DPP10: variants seen among roughly 807,000 people sequenced by gnomAD.
DPP10 encodes inactive dipeptidyl peptidase 10.
Under a neutral mutation model 120.9 loss-of-function variants are expected in DPP10, and 33 were observed. That is an observed-to-expected ratio of 0.27 (90% CI 0.21 to 0.37). The LOEUF is 0.37. Ranked by LOEUF, DPP10 falls within the 10% of genes least tolerant of loss-of-function variation. DPP10 has a pLI of 1.00. For synonymous variants in DPP10, 337 were observed against 326.1 expected (o/e 1.03, Z -0.36); for missense variants, 816 against 942.8 (o/e 0.87, Z 1.76).
intron 1 of DPP10, among the ~76,000 whole-genome samples, chr2:114,787,868 T>C (rs1682893294): frequency 6.6e-6 from 1 of 152,352 alleles, no homozygotes; most frequent in East Asian, 1.9e-4. Context: ...CTAAATTCAT[T>C]ACCTTCTTGC....
At chr2:115,410,945 T>C (rs749892221) in intron 3 of DPP10, among the ~76,000 whole-genome samples, 29 of 152,218 alleles carry the variant, frequency 1.9e-4, no homozygotes, top group Non-Finnish European at 3.2e-4. Flanking sequence ...TGTTTTCACT[T>C]CTTTTTTAGT....
intron 1 of DPP10, among the ~76,000 whole-genome samples, chr2:115,079,372 C>CAAAAAAAAAGA (rs146113955): frequency 0.22 from 32,049 of 146,146 alleles, 4,458 homozygotes; most frequent in South Asian, 0.36. Context: ...TCTCAAAAAA[C>CAAAAAAAAAGA]AAAAAAAAAG....
intron 1 of DPP10, among the ~76,000 whole-genome samples, chr2:114,551,343 C>T (rs545650973): frequency 4.6e-5 from 7 of 152,226 alleles, no homozygotes; most frequent in African/African-American, 1.4e-4. Flanking sequence ...GGATTTATGT[C>T]TCTTATATTC....
At position 115,058,172 on chromosome 2, in the gene DPP10, T is replaced by C. The variant is rs547242683; in HGVS notation, c.61-251067T>C. On this transcript the variant is annotated intron_variant, in intron 1 of 25. Transcript: ENST00000410059. ...AGAACATTCCCCCACAATGGGTAGT[T>C]GATATCATAGAACTTTCTTTCTCAC... Among the ~76,000 whole-genome samples the C allele has an allele frequency of 3.2e-3, 480 of 151,728 alleles. 2 individuals are homozygous for C. The highest frequency in any genetic ancestry group is 0.01 in the African/African-American group (425 of 41,376).
chr2:115,298,374 C>G (rs945537892), intron 1 of DPP10, among the ~76,000 whole-genome samples: 1 of 151,962 alleles, frequency 6.6e-6, no homozygotes, highest in Non-Finnish European at 1.5e-5. Context: ...TGTACTGATT[C>G]CGAAGCCACT....
At chr2:114,490,359 T>C (rs924113262) in intron 1 of DPP10, among the ~76,000 whole-genome samples, 1 of 152,176 alleles carries the variant, frequency 6.6e-6, no homozygotes, top group African/African-American at 2.4e-5. Flanking sequence ...CCTACTTCCA[T>C]CAGCTATAGA....
intron 5 of DPP10, among the ~76,000 whole-genome samples, chr2:115,622,999 C>A (rs1050415391): frequency 3.3e-5 from 5 of 151,940 alleles, no homozygotes; most frequent in African/African-American, 9.7e-5. Flanking sequence ...CCCGCCCCCA[C>A]GCCTGACTAA....
In DPP10 at chr2:115,477,107, A is replaced by G. The variant is rs372920430; in HGVS notation, c.272-22403A>G. ...AAAATTGTCCTTGAAGATCAGAAAA[A>G]TGATAGGATGCTCACTTTTGCCACT... is the stretch of plus-strand genomic sequence containing the variant. On this transcript the variant is annotated intron_variant, in intron 3 of 25. Coordinates refer to ENST00000410059, the MANE Select transcript of DPP10 (RefSeq NM_020868.6). Among the ~76,000 whole-genome samples the G allele has an allele frequency of 5.9e-5, 9 of 152,286 alleles. No homozygotes were observed. In the East Asian group the frequency reaches 1.5e-3, roughly 26 times the overall value.
At chr2:115,092,313 T>C (rs1709332176) in intron 1 of DPP10, among the ~76,000 whole-genome samples, 1 of 152,160 alleles carries the variant, frequency 6.6e-6, no homozygotes, top group South Asian at 2.1e-4. Context: ...AGAATGCTCT[T>C]GCCACTCCTT....
At chr2:114,930,698 G>A (rs1247986861) in intron 1 of DPP10, among the ~76,000 whole-genome samples, 1 of 152,130 alleles carries the variant, frequency 6.6e-6, no homozygotes, top group East Asian at 1.9e-4. Flanking sequence ...TTATAGTTTT[G>A]TAGGCTGTAC....
intron 3 of DPP10, among the ~76,000 whole-genome samples, chr2:115,384,298 T>C (rs1181679758): frequency 6.6e-6 from 1 of 151,792 alleles, no homozygotes; most frequent in African/African-American, 2.4e-5. Context: ...CACTGGAGAC[T>C]AGGAGTTCAA....
At chr2:115,306,107 T>C (rs1270875863) in intron 1 of DPP10, among the ~76,000 whole-genome samples, 1 of 152,052 alleles carries the variant, frequency 6.6e-6, no homozygotes, top group African/African-American at 2.4e-5. Context: ...ATTTTGAGGC[T>C]CAGAATAATT....
At chr2:114,779,626 G>T (rs943923881) in intron 1 of DPP10, among the ~76,000 whole-genome samples, 1 of 152,038 alleles carries the variant, frequency 6.6e-6, no homozygotes, top group African/African-American at 2.4e-5. Flanking sequence ...CATCCCATTT[G>T]ATTGCATGGT....
intron 8 of DPP10, among the ~76,000 whole-genome samples, chr2:115,730,402 C>T (rs1248916790): frequency 6.6e-6 from 1 of 152,140 alleles, no homozygotes; most frequent in Non-Finnish European, 1.5e-5. Context: ...CAAGCATTAA[C>T]AAGGAGCAGT....
intron 1 of DPP10, among the ~76,000 whole-genome samples, chr2:115,147,357 A>C (rs2051284714): frequency 6.6e-6 from 1 of 152,086 alleles, no homozygotes. Flanking sequence ...ATCCAAGACA[A>C]GACATTATTA....
intron 1 of DPP10, among the ~76,000 whole-genome samples, chr2:114,745,222 A>T (rs1678465096): frequency 6.6e-6 from 1 of 152,316 alleles, no homozygotes; most frequent in Non-Finnish European, 1.5e-5. Flanking sequence ...AGAGGTTTCA[A>T]AGACTTTACT....
chr2:115,280,969 G>A (rs993268181), intron 1 of DPP10, among the ~76,000 whole-genome samples: 3 of 152,084 alleles, frequency 2.0e-5, no homozygotes. Context: ...AAAGGTTAAT[G>A]GTATGGAGAT....
At chr2:115,237,054 G>T (rs1195532545) in intron 1 of DPP10, among the ~76,000 whole-genome samples, 1 of 151,988 alleles carries the variant, frequency 6.6e-6, no homozygotes, top group Non-Finnish European at 1.5e-5. Flanking sequence ...ACTTTTCCAG[G>T]TTCCTACTAT....
intron 1 of DPP10, among the ~76,000 whole-genome samples, chr2:114,771,415 A>G (rs568425861): frequency 6.6e-6 from 1 of 152,284 alleles, no homozygotes; most frequent in East Asian, 1.9e-4. Context: ...TACCAACCAG[A>G]TTCATCATCT....
Sources: allele counts gnomAD v4.1 joint callset (sites outside exome capture counted in the v4.1 genomes callset), GRCh38; gene constraint gnomAD v4.1.1; transcripts MANE v1.5; gene names NCBI Gene and HGNC (gene_info 2026-07-23, HGNC 2026-07-21).